PARP15: variants seen among roughly 807,000 people sequenced by gnomAD.
The protein encoded by PARP15 is poly(ADP-ribose) polymerase family member 15.
In PARP15, 50 loss-of-function variants were observed where a neutral mutation model predicts 62.1. That is an observed-to-expected ratio of 0.81 (90% CI 0.64 to 1.02). The LOEUF is 1.02. Ranked by LOEUF, PARP15 falls within the 50% of genes least tolerant of loss-of-function variation. PARP15 has a pLI of 0.00. For synonymous variants in PARP15, 309 were observed against 293.1 expected (o/e 1.05, Z -0.55); for missense variants, 820 against 826.5 (o/e 0.99, Z 0.10).
intron 3 of PARP15, among the ~76,000 whole-genome samples, chr3:122,610,959 C>T (rs573719802): frequency 1.6e-4 from 24 of 152,262 alleles, no homozygotes; most frequent in African/African-American, 5.3e-4. Flanking sequence ...CTGTGAAACC[C>T]TCGTATTGAT....
At chr3:122,602,383 G>A (rs1426027688) in intron 1 of PARP15, among the ~76,000 whole-genome samples, 2 of 152,148 alleles carry the variant, frequency 1.3e-5, no homozygotes, top group Admixed American at 6.5e-5. Flanking sequence ...TGTTATGGAA[G>A]TTATACACTC....
chr3:122,613,373 T>C, intron 4 of PARP15, 105 bp downstream of exon 4: 1 of 988,502 alleles, frequency 1.0e-6, no homozygotes, highest in Non-Finnish European at 1.5e-6. Context: ...CCTGTGCCTA[T>C]AAGTGATGGT....
At chr3:122,598,422 G>A (rs1934523885) in intron 1 of PARP15, among the ~76,000 whole-genome samples, 1 of 152,256 alleles carries the variant, frequency 6.6e-6, no homozygotes, top group Middle Eastern at 3.4e-3. Flanking sequence ...GCTTGACTGC[G>A]ACTGGAGAGT....
chr3:122,610,586 C>A lies in PARP15; in HGVS notation c.399C>A (p.Leu133=). The part of the protein sequence containing the change: ...RAFLQKAGPM[L]QKELDDRRRE... Reference sequence around the variant, plus strand: ...TTTTGCAGAAAGCTGGTCCCATGCTCCAGAAAGAGTTAGATGACAGAAGGC... The same window carrying A: ...TTTTGCAGAAAGCTGGTCCCATGCTACAGAAAGAGTTAGATGACAGAAGGC... The change falls in exon 3 of 12, where the codon CTC becomes CTA. Residue 133 remains leucine, a synonymous_variant. Coordinates refer to ENST00000464300, the MANE Select transcript of PARP15 (RefSeq NM_001113523.3). 1.3e-6 allele frequency: 2 copies of A among 1,551,640 alleles called. No individual in the cohort carries two copies. Among genetic ancestry groups the A allele is most frequent in the Non-Finnish European group, 1.7e-6 (2 of 1,147,002 alleles).
chr3:122,626,272 C>T (rs1301723147), intron 8 of PARP15, among the ~76,000 whole-genome samples: 1 of 148,362 alleles, frequency 6.7e-6, no homozygotes, highest in Non-Finnish European at 1.5e-5. Flanking sequence ...GATCTTGGCT[C>T]ACTGCAAGCT....
intron 10 of PARP15, 142 bp downstream of exon 10, chr3:122,632,361 C>A: frequency 1.3e-6 from 1 of 780,342 alleles, no homozygotes; most frequent in Non-Finnish European, 2.0e-6. Flanking sequence ...GTTCCATAGA[C>A]TTCAAATCTC....
intron 1 of PARP15, among the ~76,000 whole-genome samples, chr3:122,587,099 T>TG (rs546956702): frequency 0.062 from 9,353 of 151,968 alleles, 918 homozygotes; most frequent in African/African-American, 0.21. Flanking sequence ...GTTTCCTCTG[T>TG]GTTTGTGTGT....
At chr3:122,612,653 G>A (rs1322792437) in intron 3 of PARP15, among the ~76,000 whole-genome samples, 1 of 151,902 alleles carries the variant, frequency 6.6e-6, no homozygotes, top group Non-Finnish European at 1.5e-5. Context: ...TGTTAGCCAG[G>A]ATGGTCTCGA....
At chr3:122,617,240 C>T (rs1936037648) in intron 6 of PARP15, 76 bp downstream of exon 6, 3 of 1,431,844 alleles carry the variant, frequency 2.1e-6, no homozygotes, top group African/African-American at 2.8e-5. Context: ...TAATATTTGC[C>T]CTGAGTGGAC....
Position 122,580,192 on chromosome 3 carries a change from GTCC to G in PARP15, c.186+2342_186+2344del, listed in dbSNP as rs199621911. ...TTAGGTGGAGTTGGTTGTTGTTCAAGTCCTCATGTCCTTACTGATTTTATGTCT... is the reference window on the plus strand; with the variant it reads ...TTAGGTGGAGTTGGTTGTTGTTCAAGTCATGTCCTTACTGATTTTATGTCT... On this transcript the variant is annotated intron_variant, in intron 1 of 11. Coordinates refer to ENST00000464300, the MANE Select transcript of PARP15 (RefSeq NM_001113523.3). 3.9e-4 allele frequency among the ~76,000 whole-genome samples: 59 copies of G among 151,664 alleles called. 1 individual carries two copies. The East Asian group carries it at 4.8e-3, about 12-fold the overall frequency.
At chr3:122,585,706 T>C (rs1442748366) in intron 1 of PARP15, among the ~76,000 whole-genome samples, 1 of 152,224 alleles carries the variant, frequency 6.6e-6, no homozygotes, top group Non-Finnish European at 1.5e-5. Context: ...TTTTGCATAC[T>C]GAACTCACCC....
chr3:122,636,391 G>GA lies in PARP15; in HGVS notation c.*298dup, dbSNP rs1467195226. 3 of 327,396 alleles carry GA rather than the reference G, an allele frequency of 9.2e-6. No homozygotes were observed. The highest frequency in any genetic ancestry group is 1.7e-5 in the Non-Finnish European group (3 of 176,230). The allele number at this position is 327,396 out of a possible 1,614,324, so 20.3% of individuals were successfully genotyped here. A position where few individuals can be genotyped will look rare whatever the true frequency, so the allele number is the denominator to read the frequency against. ...AAAGCACATTATTCTTTTTCTATCA[G>GA]AAAAAAACAAGATGCATCACCTTAA... On this transcript the variant is annotated 3_prime_UTR_variant, in exon 12 of 12. Coordinates refer to ENST00000464300, the MANE Select transcript of PARP15 (RefSeq NM_001113523.3).
At chr3:122,613,446 A>G (rs920673274) in intron 4 of PARP15, among the ~76,000 whole-genome samples, 178 bp downstream of exon 4, 4 of 152,236 alleles carry the variant, frequency 2.6e-5, no homozygotes, top group Admixed American at 1.3e-4. Flanking sequence ...ATGTTCCTAG[A>G]CAGTTCATCA....
At chr3:122,581,605 T>G (rs7612244) in intron 1 of PARP15, among the ~76,000 whole-genome samples, 1 of 152,086 alleles carries the variant, frequency 6.6e-6, no homozygotes, top group Admixed American at 6.5e-5. Context: ...TTTGTTGAAG[T>G]TGAGTTGTAG....
At chr3:122,610,134 G>A (rs1040451347) in intron 2 of PARP15, among the ~76,000 whole-genome samples, 2 of 152,078 alleles carry the variant, frequency 1.3e-5, no homozygotes, top group African/African-American at 4.8e-5. Flanking sequence ...GTTTCTGTCT[G>A]TCTCTGTCTC....
intron 9 of PARP15, among the ~76,000 whole-genome samples, chr3:122,627,970 AAG>A (rs1936838853): frequency 1.3e-5 from 2 of 152,240 alleles, no homozygotes; most frequent in Non-Finnish European, 2.9e-5. Flanking sequence ...TGTTATTATA[AAG>A]CCCACACATT....
At chr3:122,600,297 C>T (rs997279634) in intron 1 of PARP15, among the ~76,000 whole-genome samples, 5 of 151,976 alleles carry the variant, frequency 3.3e-5, no homozygotes, top group African/African-American at 1.2e-4. Flanking sequence ...TAAAACCAGA[C>T]CACTAAGTGA....
At chr3:122,600,737 A>G (rs568039756) in intron 1 of PARP15, among the ~76,000 whole-genome samples, 84 of 151,936 alleles carry the variant, frequency 5.5e-4, no homozygotes, top group African/African-American at 1.8e-3. Context: ...GTCGTTATTC[A>G]TGCCCATTCT....
rs1242198523 is a variant in PARP15 at position 122,608,431 on chromosome 3, G to A, written c.307-2063G>A. 2.0e-5 allele frequency among the ~76,000 whole-genome samples: 3 copies of A among 152,032 alleles called. No individual in the cohort carries two copies. The South Asian group carries it at 6.2e-4, about 32-fold the overall frequency. On this transcript the variant is annotated intron_variant, in intron 2 of 11. Coordinates refer to ENST00000464300, the MANE Select transcript of PARP15 (RefSeq NM_001113523.3). ...GGGTTTTGCCATGTTGGCCAGGCTG[G>A]TCTCGAACTCCTGACCTCAGGTGAT...
Sources: allele counts gnomAD v4.1 joint callset (sites outside exome capture counted in the v4.1 genomes callset), GRCh38; gene constraint gnomAD v4.1.1; transcripts MANE v1.5; gene names NCBI Gene and HGNC (gene_info 2026-07-23, HGNC 2026-07-21).